Variants in ARMC9 observed in about 807,000 individuals in gnomAD.
ARMC9 encodes the protein armadillo repeat containing 9, also known as lisH domain-containing protein ARMC9.
In ARMC9, 94 loss-of-function variants were observed where a neutral mutation model predicts 107.0. The observed-to-expected ratio is 0.88, with a 90% CI of 0.74 to 1.04. The LOEUF (loss-of-function observed/expected upper bound fraction) is 1.04, where lower values mean the gene tolerates loss of function less well. Among genes scored for constraint, ARMC9 ranks in the 50% least tolerant of loss-of-function variants. The pLI is 0.00. For missense variants in ARMC9, 942 were observed against 1,030.1 expected (o/e 0.91, Z 1.17); for synonymous variants, 380 against 396.9 (o/e 0.96, Z 0.51).
intron 9 of ARMC9, chr2:231,256,297 G>C: frequency 6.4e-7 from 1 of 1,554,896 alleles, no homozygotes; most frequent in Non-Finnish European, 8.7e-7. Flanking sequence ...AAGCCCGGAG[G>C]TTGCGCTGAG....
intron 23 of ARMC9, among the ~76,000 whole-genome samples, chr2:231,369,254 C>T (rs142877773): frequency 3.1e-3 from 471 of 152,250 alleles, no homozygotes; most frequent in Admixed American, 5.0e-3. Context: ...ACCTTATGCC[C>T]ATCGTCTCCT....
chr2:231,339,431 T>TTTTTG (rs2044357101), intron 20 of ARMC9, among the ~76,000 whole-genome samples: 1 of 152,082 alleles, frequency 6.6e-6, no homozygotes, highest in Non-Finnish European at 1.5e-5. Context: ...TTTATGTAAA[T>TTTTTG]TTTTGTTTTG....
chr2:231,337,781 A>G (rs987923470), intron 20 of ARMC9, among the ~76,000 whole-genome samples: 2 of 152,180 alleles, frequency 1.3e-5, no homozygotes, highest in Non-Finnish European at 2.9e-5. Context: ...AAAAATCCCA[A>G]ACCCCAAAAT....
chr2:231,303,498 T>C (rs2041878470), intron 19 of ARMC9, among the ~76,000 whole-genome samples: 1 of 152,262 alleles, frequency 6.6e-6, no homozygotes, highest in South Asian at 2.1e-4. Context: ...GATTTTTTCA[T>C]AGATCTGATT....
chr2:231,208,926 G>GTC (rs1300311660), intron 3 of ARMC9, among the ~76,000 whole-genome samples: 1 of 151,916 alleles, frequency 6.6e-6, no homozygotes, highest in East Asian at 1.9e-4. Context: ...TTGAGATGGA[G>GTC]TCTCTCGCTC....
At chr2:231,290,799 A>G (rs925735640) in intron 17 of ARMC9, among the ~76,000 whole-genome samples, 5 of 152,160 alleles carry the variant, frequency 3.3e-5, no homozygotes, top group Non-Finnish European at 7.3e-5. Flanking sequence ...TTCTCTAAGC[A>G]TATGGTTTCA....
chr2:231,275,997 A>G (rs1369610969), intron 14 of ARMC9, among the ~76,000 whole-genome samples: 2 of 152,206 alleles, frequency 1.3e-5, no homozygotes, highest in African/African-American at 4.8e-5. Context: ...AAGTATTTCT[A>G]TGGTCCTGTT....
intron 12 of ARMC9, 64 bp downstream of exon 12, chr2:231,262,462 AT>A (rs945235385): frequency 2.8e-6 from 4 of 1,403,908 alleles, no homozygotes; most frequent in Non-Finnish European, 4.0e-6. Context: ...ATCTTAGCAG[AT>A]GGGGGAAGCT....
chr2:231,298,321 G>A (rs920230481), intron 19 of ARMC9, among the ~76,000 whole-genome samples: 6 of 152,184 alleles, frequency 3.9e-5, no homozygotes, highest in African/African-American at 1.4e-4. Context: ...GGGCACAGCC[G>A]GTCTTGCCTG....
chr2:231,322,500 A>G (rs954817574), intron 19 of ARMC9, among the ~76,000 whole-genome samples: 6 of 152,300 alleles, frequency 3.9e-5, no homozygotes, highest in Admixed American at 1.3e-4. Flanking sequence ...TCTGCATTCT[A>G]TCTGTAAGAA....
At chr2:231,321,914 C>CT (rs2043018090) in intron 19 of ARMC9, among the ~76,000 whole-genome samples, 1 of 152,152 alleles carries the variant, frequency 6.6e-6, no homozygotes, top group African/African-American at 2.4e-5. Context: ...CCTGCTTTTC[C>CT]TAGGGCGACT....
At chr2:231,315,004 G>T (rs2042580528) in intron 19 of ARMC9, among the ~76,000 whole-genome samples, 1 of 152,166 alleles carries the variant, frequency 6.6e-6, no homozygotes, top group African/African-American at 2.4e-5. Flanking sequence ...ACTTTGGGAG[G>T]CCGAGGCAGG....
chr2:231,354,322 C>T (rs148133145), intron 21 of ARMC9, among the ~76,000 whole-genome samples: 1 of 149,856 alleles, frequency 6.7e-6, no homozygotes, highest in East Asian at 1.9e-4. Context: ...TTTCCTGCCC[C>T]CCTCAGGCTG....
intron 9 of ARMC9, among the ~76,000 whole-genome samples, chr2:231,249,709 T>C (rs746097998): frequency 6.6e-6 from 1 of 152,080 alleles, no homozygotes; most frequent in African/African-American, 2.4e-5. Flanking sequence ...AATTGATGGG[T>C]TACTACATTA....
At chr2:231,306,414 A>C (rs1324056174) in intron 19 of ARMC9, among the ~76,000 whole-genome samples, 1 of 152,204 alleles carries the variant, frequency 6.6e-6, no homozygotes, top group East Asian at 1.9e-4. Flanking sequence ...ATCCAATGTG[A>C]ATAAATTCAA....
At chr2:231,245,442 G>A (rs968650440) in intron 9 of ARMC9, among the ~76,000 whole-genome samples, 5 of 152,212 alleles carry the variant, frequency 3.3e-5, no homozygotes, top group African/African-American at 9.7e-5. Context: ...CCCTGGCTGT[G>A]ATCTATTGAA....
intron 11 of ARMC9, among the ~76,000 whole-genome samples, chr2:231,259,972 G>A (rs1036079917): frequency 2.6e-5 from 4 of 152,134 alleles, no homozygotes; most frequent in South Asian, 2.1e-4. Context: ...CTCCAGCCTC[G>A]GTGACAGAGT....
At chr2:231,214,703 G>A in intron 3 of ARMC9, 128 bp from the exon 4 acceptor site, 1 of 975,590 alleles carries the variant, frequency 1.0e-6, no homozygotes, top group African/African-American at 1.6e-5. Flanking sequence ...AATCCTGTGG[G>A]ATCTCTATTT....
At chr2:231,276,435 A>G (rs930107156) in intron 14 of ARMC9, among the ~76,000 whole-genome samples, 3 of 151,850 alleles carry the variant, frequency 2.0e-5, no homozygotes, top group South Asian at 4.2e-4. Flanking sequence ...ACGCCTGGCT[A>G]ATTTTTGTAT....
Sources: gnomAD v4.1 joint callset for allele counts (sites outside exome capture counted in the v4.1 genomes callset) on GRCh38, gnomAD v4.1.1 for gene constraint, MANE v1.5 for transcripts, NCBI Gene and HGNC (gene_info 2026-07-23, HGNC 2026-07-21) for gene names.